The following TRIP10 variants were observed in gnomAD, a reference collection of about 807,000 sequenced individuals.
TRIP10 encodes the protein cdc42-interacting protein 4.
Under a neutral mutation model 80.9 loss-of-function variants are expected in TRIP10, and 54 were observed. That is an observed-to-expected ratio of 0.67 (90% CI 0.54 to 0.84). The LOEUF (loss-of-function observed/expected upper bound fraction) is 0.84, where lower values mean the gene tolerates loss of function less well. Ranked by LOEUF, TRIP10 falls within the 40% of genes least tolerant of loss-of-function variation. TRIP10 has a pLI of 0.00. For missense variants in TRIP10, 773 were observed against 815.3 expected, an observed-to-expected ratio of 0.95 and a Z score of 0.63; for synonymous variants, 321 against 307.2, an observed-to-expected ratio of 1.04 and a Z score of -0.47.
chr19:6,751,301 C>T lies in TRIP10; in HGVS notation c.*90C>T, dbSNP rs191285214. 210 of 1,592,740 alleles carry T rather than the reference C, an allele frequency of 1.3e-4. No homozygotes were observed. The African/African-American group carries it at 1.6e-3, about 12-fold the overall frequency. ...GACCTATGCACTTTATTTCTGACCCCGTGGCTTCGGCTGAGACCTGTGTAA... is the reference window on the plus strand; with the variant it reads ...GACCTATGCACTTTATTTCTGACCCTGTGGCTTCGGCTGAGACCTGTGTAA... On this transcript the variant is annotated 3_prime_UTR_variant, in exon 15 of 15. Transcript: ENST00000313244.
rs1466790070 is a variant in TRIP10, at chr19:6,744,547, C to T, written c.643-7C>T. 5 of 1,613,974 alleles carry T rather than the reference C, an allele frequency of 3.1e-6. No individual in the cohort carries two copies. The highest frequency in any genetic ancestry group is 4.5e-5 in the East Asian group (2 of 44,888). On this transcript the variant is annotated splice_polypyrimidine_tract_variant and splice_region_variant and intron_variant, in intron 7 of 14. Coordinates refer to ENST00000313244, the MANE Select transcript of TRIP10 (RefSeq NM_001288962.2). This position sits in a 1 kb window ranked among gnomAD's most constrained non-coding sequence, Gnocchi z 4.9. Reference sequence around the variant, plus strand: ...CCCCTGAGCCACCCTTGTCCCTGTCCTTACAGAAGCTCCAAGACATGGATG... The same window carrying T: ...CCCCTGAGCCACCCTTGTCCCTGTCTTTACAGAAGCTCCAAGACATGGATG...
In TRIP10 at chr19:6,743,206, G is replaced by T. The variant is rs1968976017; in HGVS notation, c.358G>T (p.Gly120Trp). Reference protein sequence around the residue: ...KQERKMHFQEGRRAQQQLENG... With the variant: ...KQERKMHFQEWRRAQQQLENG... ...CTTCTTTCTGTAGCACTTCCAAGAA[G>T]GGCGGCGGGCCCAGCAGCAGCTGGA... Residue 120 changes from glycine to tryptophan, a missense_variant, in exon 5 of 15, where the codon GGG becomes TGG. Gly to Trp is a radical substitution (Grantham distance 184). Transcript: ENST00000313244. 6.2e-7 allele frequency: 1 copy of T among 1,614,160 alleles called. No individual in the cohort carries two copies. Among genetic ancestry groups the T allele is most frequent in the East Asian group, 2.2e-5 (1 of 44,894 alleles).
At position 6,744,422 on chromosome 19, in the gene TRIP10, ACT is replaced by A. The variant is rs772080330; in HGVS notation, c.643-129_643-128del. ...CAGTGGGCTGGAGTCTCTCTTCCCG[ACT>A]CTGTCTTCCCCTCCAGACTGGCTTG... is the stretch of plus-strand genomic sequence containing the variant. On this transcript the variant is annotated intron_variant, in intron 7 of 14. Coordinates refer to ENST00000313244, the MANE Select transcript of TRIP10 (RefSeq NM_001288962.2). This position sits in a 1 kb window ranked among gnomAD's most constrained non-coding sequence, Gnocchi z 4.9. 5.0e-5 allele frequency: 67 copies of A among 1,339,346 alleles called. No individual in the cohort carries two copies. The highest frequency in any genetic ancestry group is 6.7e-5 in the Non-Finnish European group (65 of 970,296). The allele number at this position is 1,339,346 out of a possible 1,614,324, so 83.0% of individuals were successfully genotyped here.
chr19:6,746,634 ATTATT>A lies in TRIP10; in HGVS notation c.1262+85_1262+89del, dbSNP rs1005626566. ...GTAAATGAACTTCACTTATTTGTTTATTATTTTATTTTATTTATTTTATTATATTT... is the reference window on the plus strand; with the variant it reads ...GTAAATGAACTTCACTTATTTGTTTATTATTTTATTTATTTTATTATATTT... On this transcript the variant is annotated intron_variant, in intron 11 of 14. Transcript: ENST00000313244. The surrounding 1 kb of genome is among the most constrained non-coding windows in gnomAD (Gnocchi z 6.2). The A allele has an allele frequency of 2.2e-4, 237 of 1,074,452 alleles. No homozygotes were observed. In the African/African-American group the frequency reaches 3.4e-3, roughly 15 times the overall value. The allele number at this position is 1,074,452 out of a possible 1,614,324, so 66.6% of individuals were successfully genotyped here.
chr19:6,747,826 C>T (rs1239734277), intron 11 of TRIP10, among the ~76,000 whole-genome samples: 7 of 151,442 alleles, frequency 4.6e-5, no homozygotes, highest in African/African-American at 9.7e-5. Flanking sequence ...ATACATTAGC[C>T]GAGCACAGTG....
chr19:6,750,814 G>A (rs1049592407), intron 14 of TRIP10, among the ~76,000 whole-genome samples, 181 bp downstream of exon 14: 1 of 152,220 alleles, frequency 6.6e-6, no homozygotes, highest in East Asian at 1.9e-4. Flanking sequence ...TGGCGAACAC[G>A]GTGAAACCCC....
chr19:6,739,870 C>A, intron 1 of TRIP10, 85 bp downstream of exon 1: 1 of 1,331,368 alleles, frequency 7.5e-7, no homozygotes, highest in Non-Finnish European at 9.7e-7. Context: ...TTAGAGGGGG[C>A]TCCGCGCCTT....
rs375269162 is a variant in TRIP10 at position 6,744,969 on chromosome 19, G to T, written c.959G>T (p.Arg320Leu). Residue 320 changes from arginine to leucine, a missense_variant, in exon 9 of 15, where the codon CGC (arginine) becomes CTC (leucine). Arg to Leu is a moderately radical substitution (Grantham distance 102). Transcript: ENST00000313244. This position sits in a 1 kb window ranked among gnomAD's most constrained non-coding sequence, Gnocchi z 4.9. Reference protein sequence around the residue: ...LRGPGRSRTKRWPFGKKNKPR... With the variant: ...LRGPGRSRTKLWPFGKKNKPR... ...GGCCCGGGTCGCAGCCGCACCAAGC[G>T]CTGGCCTTTTGGCAAGAAGAACAAG... 1.8e-5 allele frequency: 29 copies of T among 1,613,594 alleles called. No individual in the cohort carries two copies. The highest frequency in any genetic ancestry group is 2.5e-5 in the Non-Finnish European group (29 of 1,179,858).
chr19:6,746,613 A>C lies in TRIP10; in HGVS notation c.1262+52A>C. Reference sequence around the variant, plus strand: ...GGCAAGGAACATGATAAAATAGTAAATGAACTTCACTTATTTGTTTATTAT... The same window carrying C: ...GGCAAGGAACATGATAAAATAGTAACTGAACTTCACTTATTTGTTTATTAT... On this transcript the variant is annotated intron_variant, in intron 11 of 14. Coordinates refer to ENST00000313244, the MANE Select transcript of TRIP10 (RefSeq NM_001288962.2). The surrounding 1 kb of genome is among the most constrained non-coding windows in gnomAD (Gnocchi z 6.2). 1 of 1,293,218 alleles carries C rather than the reference A, an allele frequency of 7.7e-7. No homozygotes were observed. 80.1% of individuals were successfully genotyped at this position (1,293,218 alleles called of 1,614,324 possible).
chr19:6,741,382 C>CT, intron 3 of TRIP10, 101 bp downstream of exon 3: 1 of 1,358,228 alleles, frequency 7.4e-7, no homozygotes, highest in Non-Finnish European at 1.0e-6. Flanking sequence ...GCTCCTCTCA[C>CT]TTCCCCTTCT....
chr19:6,746,114 A>T lies in TRIP10; in HGVS notation c.1070A>T (p.Asp357Val). 1 of 1,521,002 alleles carries T rather than the reference A, an allele frequency of 6.6e-7. No individual in the cohort carries two copies. The highest frequency in any genetic ancestry group is 8.8e-7 in the Non-Finnish European group (1 of 1,131,868). The allele number at this position is 1,521,002 out of a possible 1,614,324, so 94.2% of individuals were successfully genotyped here. A position where few individuals can be genotyped will look rare whatever the true frequency, so the allele number is the denominator to read the frequency against. Residue 357 changes from aspartate to valine, a missense_variant, in exon 10 of 15, where the codon GAC becomes GTC. Physicochemically the swap from Asp to Val is radical, Grantham distance 152 (BLOSUM62 -3). Transcript: ENST00000313244. This position sits in a 1 kb window ranked among gnomAD's most constrained non-coding sequence, Gnocchi z 6.2. ...NGPPSPRSGRDPLAILSEISK... is the reference protein window; with the variant it reads ...NGPPSPRSGRVPLAILSEISK... ...CCCCCGTCCCCCCGCTCCGGCCGTG[A>T]CCCCTTGGCCATACTGAGCGAGATC...
rs1969098035 is a variant in TRIP10 at position 6,745,694 on chromosome 19, C to CA, written c.985-334dup. 1.0e-6 allele frequency: 1 copy of CA among 985,160 alleles called. No individual in the cohort carries two copies. The highest frequency in any genetic ancestry group is 1.7e-5 in the African/African-American group (1 of 57,160). 61.0% of individuals were successfully genotyped at this position (985,160 alleles called of 1,614,324 possible). A position where few individuals can be genotyped will look rare whatever the true frequency, so the allele number is the denominator to read the frequency against. On this transcript the variant is annotated intron_variant, in intron 9 of 14. Coordinates refer to ENST00000313244, the MANE Select transcript of TRIP10 (RefSeq NM_001288962.2). The surrounding 1 kb of genome is among the most constrained non-coding windows in gnomAD (Gnocchi z 7.2). ...CATGGGCCTCCCTGCCTCCTGGACC[C>CA]ATGCTTGCTCCCGGACATAACATTC...
At chr19:6,743,299 G>C in intron 5 of TRIP10, 43 bp downstream of exon 5, 1 of 1,609,388 alleles carries the variant, frequency 6.2e-7, no homozygotes, top group Non-Finnish European at 8.5e-7. Flanking sequence ...CGGAGGCATG[G>C]GGGCAGGGTT....
At chr19:6,743,287 C>T (rs781447015) in intron 5 of TRIP10, 31 bp downstream of exon 5, 1 of 1,611,326 alleles carries the variant, frequency 6.2e-7, no homozygotes, top group Non-Finnish European at 8.5e-7. Context: ...GTGACTGTGG[C>T]CCGGAGGCAT....
Position 6,745,186 on chromosome 19 carries a change from G to A in TRIP10, c.984+192G>A. The A allele has an allele frequency of 2.6e-6, 2 of 769,086 alleles. No homozygotes were observed. The highest frequency in any genetic ancestry group is 2.0e-6 in the Non-Finnish European group (1 of 500,266). The allele number at this position is 769,086 out of a possible 1,614,324, so 47.6% of individuals were successfully genotyped here. A position where few individuals can be genotyped will look rare whatever the true frequency, so the allele number is the denominator to read the frequency against. ...GGAGTCCCCCGAGGCGAAGGCGGGG[G>A]CAGGGTGGGGAGGTGGGGAGGTCCG... On this transcript the variant is annotated intron_variant, in intron 9 of 14. Coordinates refer to ENST00000313244, the MANE Select transcript of TRIP10 (RefSeq NM_001288962.2). This position sits in a 1 kb window ranked among gnomAD's most constrained non-coding sequence, Gnocchi z 7.2.
In TRIP10 at chr19:6,751,496, AG is replaced by A. The variant is rs1231678601; in HGVS notation, c.*286del. 1.2e-5 allele frequency: 8 copies of A among 663,614 alleles called. No homozygotes were observed. The highest frequency in any genetic ancestry group is 5.3e-5 in the South Asian group (1 of 18,768). 41.1% of individuals were successfully genotyped at this position (663,614 alleles called of 1,614,324 possible). ...TATACAAAAATGGGAAAAAAAAAAA[AG>A]AAATTATATAAAGTTCCTAGAGTCG... On this transcript the variant is annotated 3_prime_UTR_variant, in exon 15 of 15. Transcript: ENST00000313244.
At chr19:6,743,307 G>A (rs1322447187) in intron 5 of TRIP10, 51 bp downstream of exon 5, 8 of 1,606,396 alleles carry the variant, frequency 5.0e-6, no homozygotes, top group Non-Finnish European at 6.8e-6. Context: ...TGGGGGCAGG[G>A]TTGCGGATCC....
In TRIP10 at chr19:6,744,459, C is replaced by T; in HGVS notation, c.643-95C>T. On this transcript the variant is annotated intron_variant, in intron 7 of 14. Transcript: ENST00000313244. The surrounding 1 kb of genome is among the most constrained non-coding windows in gnomAD (Gnocchi z 4.9). ...CCTCCAGACTGGCTTGGGGCTGGGG[C>T]CAGCGTGGAGCGCGATCATATTTGC... 1 of 1,547,364 alleles carries T rather than the reference C, an allele frequency of 6.5e-7. No individual in the cohort carries two copies. Among genetic ancestry groups the T allele is most frequent in the Non-Finnish European group, 8.8e-7 (1 of 1,142,132 alleles).
chr19:6,746,580 G>C lies in TRIP10; in HGVS notation c.1262+19G>C. On this transcript the variant is annotated intron_variant, in intron 11 of 14. Transcript: ENST00000313244. The surrounding 1 kb of genome is among the most constrained non-coding windows in gnomAD (Gnocchi z 6.2). The stretch of plus-strand genomic sequence containing the variant: ...ACCAGAGGTAAGGTGGTGGGGTAGG[G>C]AAGGACAGGCAAGGAACATGATAAA... 1.9e-6 allele frequency: 3 copies of C among 1,587,704 alleles called. No individual in the cohort carries two copies. In the Middle Eastern group the frequency reaches 5.0e-4, roughly 264 times the overall value.
Sources: allele counts gnomAD v4.1 joint callset (sites outside exome capture counted in the v4.1 genomes callset), GRCh38; gene constraint gnomAD v4.1.1; non-coding constraint Gnocchi (gnomAD v3.1); transcripts MANE v1.5; gene names NCBI Gene and HGNC (gene_info 2026-07-23, HGNC 2026-07-21).